The following MYO16 variants were observed in gnomAD, a reference collection of about 807,000 sequenced individuals.
MYO16 encodes the protein unconventional myosin-XVI.
MYO16 carries 94 observed loss-of-function variants against 205.3 expected under a neutral mutation model. The observed-to-expected ratio is 0.46, with a 90% CI of 0.39 to 0.54. The LOEUF (loss-of-function observed/expected upper bound fraction) is 0.54, where lower values mean the gene tolerates loss of function less well. Ranked by LOEUF, MYO16 falls within the 20% of genes least tolerant of loss-of-function variation. The pLI is 0.00. For missense variants in MYO16, 2,315 were observed against 2,387.5 expected (o/e 0.97, Z 0.63); for synonymous variants, 988 against 954.0 (o/e 1.04, Z -0.66).
chr13:108,935,964 A>C (rs1460387845), intron 16 of MYO16, among the ~76,000 whole-genome samples: 25 of 152,098 alleles, frequency 1.6e-4, no homozygotes, highest in Non-Finnish European at 1.5e-5. Context: ...CCAAATTTTC[A>C]TCCCAGGAAT....
chr13:108,526,519 C>G, the MYO16 span, among the ~76,000 whole-genome samples: 1 of 151,996 alleles, frequency 6.6e-6, no homozygotes, highest in Non-Finnish European at 1.5e-5. Context: ...ATGGTTTAAG[C>G]GCGTTGAAAT....
intron 9 of MYO16, among the ~76,000 whole-genome samples, chr13:108,840,795 G>A (rs938432138): frequency 3.3e-5 from 5 of 152,022 alleles, no homozygotes; most frequent in African/African-American, 7.2e-5. Flanking sequence ...AGTCAGCCTC[G>A]GCATTTTAAA....
chr13:108,667,512 T>C (rs1378501562), intron 2 of MYO16, among the ~76,000 whole-genome samples: 1 of 152,156 alleles, frequency 6.6e-6, no homozygotes, highest in African/African-American at 2.4e-5. Flanking sequence ...TCTTCTCACC[T>C]ATGGCTGTTC....
chr13:108,852,726 T>C (rs994074528), intron 10 of MYO16, among the ~76,000 whole-genome samples: 5 of 152,080 alleles, frequency 3.3e-5, no homozygotes, highest in African/African-American at 1.2e-4. Context: ...GGCCCCTACA[T>C]GTGTTACTAA....
rs73603928 is a variant in MYO16, at chr13:109,174,716, C to G, written c.5324-4826C>G. Among the ~76,000 whole-genome samples the G allele has an allele frequency of 3.0e-3, 453 of 151,798 alleles. 1 individual carries two copies. The highest frequency in any genetic ancestry group is 0.011 in the African/African-American group (439 of 41,360). On this transcript the variant is annotated intron_variant, in intron 33 of 34. Coordinates refer to ENST00000457511, the MANE Select transcript of MYO16 (RefSeq NM_001198950.3). Reference sequence around the variant, plus strand: ...CATGTAAAATTCAGTGCCATACCCCCCTTGAAAGTCTCTTTCTCATTCTTG... The same window carrying G: ...CATGTAAAATTCAGTGCCATACCCCGCTTGAAAGTCTCTTTCTCATTCTTG...
At chr13:108,775,220 A>G (rs1196320065) in intron 4 of MYO16, among the ~76,000 whole-genome samples, 1 of 152,218 alleles carries the variant, frequency 6.6e-6, no homozygotes, top group Non-Finnish European at 1.5e-5. Flanking sequence ...ATCAATATGG[A>G]CAGTGATTCA....
chr13:108,701,529 G>T (rs1423435855), intron 2 of MYO16, among the ~76,000 whole-genome samples: 3 of 152,036 alleles, frequency 2.0e-5, no homozygotes, highest in Admixed American at 2.0e-4. Context: ...CTTGATTTTG[G>T]ACTTCTCAGG....
At chr13:108,894,984 C>G (rs1433068383) in intron 14 of MYO16, among the ~76,000 whole-genome samples, 1 of 152,204 alleles carries the variant, frequency 6.6e-6, no homozygotes, top group East Asian at 1.9e-4. Flanking sequence ...TGAATTTCAA[C>G]TTTAAGAATA....
chr13:109,050,826 CA>C (rs144460102), intron 24 of MYO16, among the ~76,000 whole-genome samples: 5,258 of 151,706 alleles, frequency 0.035, 133 homozygotes, highest in South Asian at 0.056. Context: ...AGAACCCCTT[CA>C]AAGCTAGCTC....
chr13:108,804,890 T>G (rs1489383696), intron 6 of MYO16, among the ~76,000 whole-genome samples: 1 of 152,166 alleles, frequency 6.6e-6, no homozygotes, highest in African/African-American at 2.4e-5. Flanking sequence ...TTGGACTAAG[T>G]TCTAAATGGT....
chr13:108,739,403 T>G (rs141120709), intron 4 of MYO16, among the ~76,000 whole-genome samples: 2,421 of 152,322 alleles, frequency 0.016, 29 homozygotes, highest in Non-Finnish European at 0.026. Context: ...TGAAGCTTAG[T>G]TTGGCTGGAT....
chr13:108,507,392 A>C, the MYO16 span, among the ~76,000 whole-genome samples: 1 of 152,018 alleles, frequency 6.6e-6, no homozygotes, highest in Non-Finnish European at 1.5e-5. Context: ...TGCCACATAT[A>C]ATATTCTTGC....
At chr13:109,108,322 G>C (rs561785665) in intron 28 of MYO16, among the ~76,000 whole-genome samples, 1 of 152,308 alleles carries the variant, frequency 6.6e-6, no homozygotes, top group African/African-American at 2.4e-5. Flanking sequence ...TGCAAATGAA[G>C]GTATCTGCAG....
intron 2 of MYO16, among the ~76,000 whole-genome samples, chr13:108,690,407 G>A (rs1053674263): frequency 1.7e-4 from 25 of 151,158 alleles, no homozygotes; most frequent in African/African-American, 2.4e-4. Context: ...ACTCAACGTC[G>A]TGCTGCCACC....
Position 108,957,651 on chromosome 13 carries a change from G to A in MYO16, c.1926-37G>A, listed in dbSNP as rs563136909. On this transcript the variant is annotated intron_variant, in intron 16 of 34. Coordinates refer to ENST00000457511, the MANE Select transcript of MYO16 (RefSeq NM_001198950.3). ...TTTAACCACAGAAGTCTGACCGGAAGCCAGGCGATAACGTTACGTGCCTTG... is the reference window on the plus strand; with the variant it reads ...TTTAACCACAGAAGTCTGACCGGAAACCAGGCGATAACGTTACGTGCCTTG... The A allele has an allele frequency of 2.8e-6, 4 of 1,445,508 alleles. No homozygotes were observed. The African/African-American group carries it at 4.2e-5, about 15-fold the overall frequency. The allele number at this position is 1,445,508 out of a possible 1,614,324, so 89.5% of individuals were successfully genotyped here. A position where few individuals can be genotyped will look rare whatever the true frequency, so the allele number is the denominator to read the frequency against.
At chr13:108,646,769 T>C (rs1880775312) in intron 1 of MYO16, among the ~76,000 whole-genome samples, 2 of 152,164 alleles carry the variant, frequency 1.3e-5, no homozygotes, top group Non-Finnish European at 2.9e-5. Context: ...TATTTAGAAA[T>C]AATTAAATGC....
chr13:108,713,900 T>C (rs914128429), intron 3 of MYO16, among the ~76,000 whole-genome samples: 2 of 152,218 alleles, frequency 1.3e-5, no homozygotes, highest in Admixed American at 1.3e-4. Context: ...GATCCTCATA[T>C]GGCTTCCATG....
At chr13:108,886,817 G>A (rs1183678006) in intron 13 of MYO16, among the ~76,000 whole-genome samples, 1 of 152,088 alleles carries the variant, frequency 6.6e-6, no homozygotes, top group African/African-American at 2.4e-5. Context: ...GAAGCAAGCT[G>A]GAGAACTCCT....
At chr13:108,977,482 G>A (rs989517411) in intron 20 of MYO16, among the ~76,000 whole-genome samples, 1 of 152,134 alleles carries the variant, frequency 6.6e-6, no homozygotes, top group Non-Finnish European at 1.5e-5. Flanking sequence ...CTGCATCCTG[G>A]CACATGCCCA....
Sources: gnomAD v4.1 joint callset for allele counts (sites outside exome capture counted in the v4.1 genomes callset) on GRCh38, gnomAD v4.1.1 for gene constraint, MANE v1.5 for transcripts, NCBI Gene and HGNC (gene_info 2026-07-23, HGNC 2026-07-21) for gene names.